AP2A2: variants seen among roughly 807,000 people sequenced by gnomAD.
The protein encoded by AP2A2 is adaptor related protein complex 2 subunit alpha 2.
AP2A2 carries 32 observed loss-of-function variants against 104.2 expected under a neutral mutation model. That is an observed-to-expected ratio of 0.31 (90% CI 0.23 to 0.41). AP2A2 has a LOEUF of 0.41. Among genes scored for constraint, AP2A2 ranks in the 10% least tolerant of loss-of-function variants. The pLI, the probability that AP2A2 is intolerant of heterozygous loss-of-function variation, is 1.00. For synonymous variants in AP2A2, 539 were observed against 533.3 expected, an observed-to-expected ratio of 1.01 and a Z score of -0.15; for missense variants, 912 against 1,261.0, an observed-to-expected ratio of 0.72 and a Z score of 4.19.
rs1856330535 is a variant in AP2A2 at position 1,009,488 on chromosome 11, CA to C, written c.2607+92del. ...GGACGGCCCCGGGGAACACGCAGCC[CA>C]TGACCCCGCGCCAGGGTCTGGAGGG... On this transcript the variant is annotated intron_variant, in intron 20 of 21. Coordinates refer to ENST00000448903, the MANE Select transcript of AP2A2 (RefSeq NM_012305.4). 13 of 1,417,586 alleles carry C rather than the reference CA, an allele frequency of 9.2e-6. 1 individual carries two copies. The East Asian group carries it at 3.1e-4, about 34-fold the overall frequency. 87.8% of individuals were successfully genotyped at this position (1,417,586 alleles called of 1,614,324 possible).
At chr11:983,746 A>T (rs1201187494) in intron 6 of AP2A2, among the ~76,000 whole-genome samples, 1 of 152,228 alleles carries the variant, frequency 6.6e-6, no homozygotes, top group Non-Finnish European at 1.5e-5. Context: ...TGTTTCAAAT[A>T]TATACAGTTA....
chr11:979,478 A>G (rs959325466), intron 5 of AP2A2, among the ~76,000 whole-genome samples: 1 of 151,886 alleles, frequency 6.6e-6, no homozygotes, highest in Non-Finnish European at 1.5e-5. Flanking sequence ...CTCTGGGGAG[A>G]GTGCCGTGCT....
At chr11:994,455 ACGC>A (rs1855774555) in intron 14 of AP2A2, among the ~76,000 whole-genome samples, 1 of 149,274 alleles carries the variant, frequency 6.7e-6, no homozygotes, top group Non-Finnish European at 1.5e-5. Context: ...TCCCTGCTGG[ACGC>A]CACGCTGTCC....
intron 1 of AP2A2, among the ~76,000 whole-genome samples, chr11:927,243 G>A (rs1054184530): frequency 2.0e-4 from 20 of 98,084 alleles, no homozygotes; most frequent in African/African-American, 6.5e-4. Context: ...CGTGTTTTTT[G>A]TAGAGATGGG....
intron 2 of AP2A2, among the ~76,000 whole-genome samples, chr11:964,232 C>A (rs915883888): frequency 6.6e-6 from 1 of 152,148 alleles, no homozygotes; most frequent in African/African-American, 2.4e-5. Flanking sequence ...AAGGTTACAA[C>A]CAGGGAAAGA....
Position 1,000,499 on chromosome 11 carries a change from C to T in AP2A2, c.2024C>T (p.Pro675Leu). The change falls in exon 15 of 22, where the codon CCA becomes CTA. Residue 675 changes from proline (P) to leucine (L), a missense_variant. By Grantham distance (98) the Pro-to-Leu change is moderately conservative (BLOSUM62 -3). Coordinates refer to ENST00000448903, the MANE Select transcript of AP2A2 (RefSeq NM_012305.4). ...GCCCCCCCTGCCCCCGCGGGCCCCC[C>T]ACCCTCCTCCGGCGGCAGCGGGCTG... ...GAAPPAPAGP[P>L]PSSGGSGLLV... 5 of 1,540,114 alleles carry T rather than the reference C, an allele frequency of 3.2e-6. No individual in the cohort carries two copies. Among genetic ancestry groups the T allele is most frequent in the Non-Finnish European group, 3.5e-6 (4 of 1,147,482 alleles).
At chr11:952,451 G>T (rs952993651) in intron 1 of AP2A2, among the ~76,000 whole-genome samples, 1 of 152,198 alleles carries the variant, frequency 6.6e-6, no homozygotes. Flanking sequence ...TATAGAGTGT[G>T]TTCTTTGCTA....
chr11:949,412 A>G (rs1273856554), intron 1 of AP2A2, among the ~76,000 whole-genome samples: 1 of 152,228 alleles, frequency 6.6e-6, no homozygotes, highest in Non-Finnish European at 1.5e-5. Context: ...ATTACAGGCC[A>G]TTATCATGAA....
At chr11:991,389 C>G (rs1376170346) in intron 10 of AP2A2, among the ~76,000 whole-genome samples, 5 of 152,270 alleles carry the variant, frequency 3.3e-5, no homozygotes, top group Admixed American at 3.3e-4. Context: ...GCATTACACT[C>G]CTGGGGGGCT....
At chr11:937,274 C>T (rs978696838) in intron 1 of AP2A2, among the ~76,000 whole-genome samples, 1 of 152,058 alleles carries the variant, frequency 6.6e-6, no homozygotes, top group Non-Finnish European at 1.5e-5. Context: ...CCCGCTTCGG[C>T]CTCCCAAAGT....
chr11:981,740 A>G lies in AP2A2; in HGVS notation c.705+441A>G, dbSNP rs527798338. Among the ~76,000 whole-genome samples, 4 of 152,380 alleles carry G rather than the reference A, an allele frequency of 2.6e-5. No homozygotes were observed. The East Asian group carries it at 7.7e-4, about 29-fold the overall frequency. ...TATACATTCATGTTTGATGCTTCAT[A>G]GAATTGGTTGTGTGAATTGTCCGCT... On this transcript the variant is annotated intron_variant, in intron 6 of 21. Transcript: ENST00000448903.
At chr11:933,882 A>G (rs1853368126) in intron 1 of AP2A2, among the ~76,000 whole-genome samples, 1 of 152,032 alleles carries the variant, frequency 6.6e-6, no homozygotes, top group Non-Finnish European at 1.5e-5. Flanking sequence ...TCGATTTTAA[A>G]CGTTTGTTGC....
Position 993,698 on chromosome 11 carries a change from T to G in AP2A2, c.1551-56T>G. ...CCGCCGTCCCCCCCCCGCGGGGGCG[T>G]GCTGCAGCCTGCGAGGGGACGACGG... On this transcript the variant is annotated intron_variant, in intron 12 of 21. Coordinates refer to ENST00000448903, the MANE Select transcript of AP2A2 (RefSeq NM_012305.4). This position sits in a 1 kb window ranked among gnomAD's most constrained non-coding sequence, Gnocchi z 8.2. 5 of 1,381,722 alleles carry G rather than the reference T, an allele frequency of 3.6e-6. No individual in the cohort carries two copies. Among genetic ancestry groups the G allele is most frequent in the Non-Finnish European group, 4.9e-6 (5 of 1,011,268 alleles). 85.6% of individuals were successfully genotyped at this position (1,381,722 alleles called of 1,614,324 possible).
Position 952,590 on chromosome 11 carries a change from G to A in AP2A2, c.68-6847G>A, listed in dbSNP as rs533364554. On this transcript the variant is annotated intron_variant, in intron 1 of 21. Coordinates refer to ENST00000448903, the MANE Select transcript of AP2A2 (RefSeq NM_012305.4). ...ATGCAAGTACAGTACCCTTAGTGCT[G>A]ATGGGCTGGCTGCATTTCAGACAGG... is the stretch of plus-strand genomic sequence containing the variant. Among the ~76,000 whole-genome samples the A allele has an allele frequency of 2.0e-5, 3 of 152,314 alleles. No homozygotes were observed. In the South Asian group the frequency reaches 6.2e-4, roughly 32 times the overall value.
chr11:987,804 C>T (rs762132535), intron 9 of AP2A2, among the ~76,000 whole-genome samples: 5 of 152,232 alleles, frequency 3.3e-5, no homozygotes, highest in Non-Finnish European at 7.3e-5. Flanking sequence ...GGTGCACATG[C>T]GTTAGGGAGT....
intron 2 of AP2A2, among the ~76,000 whole-genome samples, chr11:967,888 A>G (rs1414665895): frequency 1.3e-5 from 2 of 152,220 alleles, no homozygotes; most frequent in Non-Finnish European, 2.9e-5. Flanking sequence ...AGCTCAGAAT[A>G]TTAAAGTTCA....
At chr11:940,035 A>T (rs117361804) in intron 1 of AP2A2, among the ~76,000 whole-genome samples, 1 of 141,190 alleles carries the variant, frequency 7.1e-6, no homozygotes, top group Non-Finnish European at 1.5e-5. Flanking sequence ...GGCTCACTGT[A>T]ACCTCTTCTG....
chr11:972,111 G>A lies in AP2A2; in HGVS notation c.329G>A (p.Arg110His), dbSNP rs1688591652. The change falls in exon 4 of 22, where the codon CGC (arginine) becomes CAC (histidine). Residue 110 changes from arginine (R) to histidine (H), a missense_variant. Around this residue, in one of 7 missense-constraint regions of AP2A2, gnomAD observed 350 missense variants for 487.0 expected, o/e 0.72. Coordinates refer to ENST00000448903, the MANE Select transcript of AP2A2 (RefSeq NM_012305.4). Reference sequence around the variant, plus strand: ...GTGAACTCAAACAGTGAGCTGATCCGCCTGATCAACAACGCCATCAAGAAT... The same window carrying A: ...GTGAACTCAAACAGTGAGCTGATCCACCTGATCAACAACGCCATCAAGAAT... ...VLVNSNSELIRLINNAIKNDL... is the reference protein window; with the variant it reads ...VLVNSNSELIHLINNAIKNDL... 9 of 1,613,716 alleles carry A rather than the reference G, an allele frequency of 5.6e-6. No individual in the cohort carries two copies. The highest frequency in any genetic ancestry group is 7.6e-6 in the Non-Finnish European group (9 of 1,179,796).
chr11:930,790 G>T (rs1853266946), intron 1 of AP2A2, among the ~76,000 whole-genome samples: 1 of 152,218 alleles, frequency 6.6e-6, no homozygotes, highest in South Asian at 2.1e-4. Context: ...AAAGTGCTGG[G>T]ATTACAGGCG....
Sources: allele counts gnomAD v4.1 joint callset (sites outside exome capture counted in the v4.1 genomes callset), GRCh38; gene constraint gnomAD v4.1.1; regional missense constraint gnomAD v4.1.1; non-coding constraint Gnocchi (gnomAD v3.1); transcripts MANE v1.5; gene names NCBI Gene and HGNC (gene_info 2026-07-23, HGNC 2026-07-21).